The following NEB variants were observed in gnomAD, a reference collection of about 807,000 sequenced individuals.
The protein encoded by NEB is nemaline myopathy type 2.
A neutral mutation model predicts 952.2 loss-of-function variants in NEB; 512 were observed. The ratio of observed to expected loss-of-function variants is 0.54; its 90% confidence interval spans 0.50 to 0.58. The LOEUF is 0.58. NEB is among the 20% of genes least tolerant of loss of function. The pLI is 0.00. For synonymous variants in NEB, 2,900 were observed against 3,149.8 expected, an observed-to-expected ratio of 0.92 and a Z score of 2.66; for missense variants, 8,428 against 9,231.1, an observed-to-expected ratio of 0.91 and a Z score of 3.56.
At chr2:151,728,053 C>T (rs1385916101) in intron 4 of NEB, 147 bp from the exon 5 acceptor site, 4 of 643,764 alleles carry the variant, frequency 6.2e-6, no homozygotes, top group Non-Finnish European at 1.1e-5. Flanking sequence ...CAGGAAATGG[C>T]ACACTGTAGC....
At position 151,570,534 on chromosome 2, in the gene NEB, A is replaced by T. The variant is rs1443258576; in HGVS notation, c.17081T>A (p.Ile5694Asn). ...GCDVRLDAIP[I>N]QAAKASREIA... Reference sequence around the variant, plus strand: ...CTCCCTGGAGGCCTTGGCAGCCTGGATGGGGATGGCATCCAGCCGGACATC... The same window carrying T: ...CTCCCTGGAGGCCTTGGCAGCCTGGTTGGGGATGGCATCCAGCCGGACATC... Residue 5694 changes from isoleucine to asparagine, a missense_variant, in exon 108 of 182, where the codon ATC becomes AAC. By Grantham distance (149) the Ile-to-Asn change is moderately radical. Coordinates refer to ENST00000397345, the MANE Select transcript of NEB (RefSeq NM_001164508.2). 1.2e-6 allele frequency: 2 copies of T among 1,611,688 alleles called. No homozygotes were observed. The highest frequency in any genetic ancestry group is 1.7e-6 in the Non-Finnish European group (2 of 1,179,056).
intron 181 of NEB, among the ~76,000 whole-genome samples, chr2:151,487,653 A>G (rs551181743): frequency 6.6e-6 from 1 of 152,308 alleles, no homozygotes; most frequent in South Asian, 2.1e-4. Context: ...TTACACTATA[A>G]TGAGCATCCT....
chr2:151,488,798 T>C (rs1056668691), intron 181 of NEB, among the ~76,000 whole-genome samples: 2 of 152,248 alleles, frequency 1.3e-5, no homozygotes, highest in Admixed American at 6.5e-5. Flanking sequence ...CCTCAGATCA[T>C]ATAATTAAAT....
At chr2:151,610,290 T>C (rs1370411356) in intron 80 of NEB, among the ~76,000 whole-genome samples, 170 bp from the exon 81 acceptor site, 1 of 152,240 alleles carries the variant, frequency 6.6e-6, no homozygotes, top group Non-Finnish European at 1.5e-5. Context: ...ATAATTGTAA[T>C]GTAATCATAT....
chr2:151,705,960 T>C (rs575892313), intron 13 of NEB, among the ~76,000 whole-genome samples: 2 of 152,308 alleles, frequency 1.3e-5, no homozygotes, highest in African/African-American at 2.4e-5. Context: ...AGACTACATA[T>C]TGATCATAGT....
intron 76 of NEB, 74 bp from the exon 77 acceptor site, chr2:151,614,661 T>C (rs2098131894): frequency 6.9e-7 from 1 of 1,453,398 alleles, no homozygotes; most frequent in Non-Finnish European, 9.4e-7. Flanking sequence ...CACATTCACA[T>C]TGTTTCTTTT....
Position 151,682,778 on chromosome 2 carries a change from C to T in NEB, c.2836-9G>A, listed in dbSNP as rs2099429989. 6.2e-7 allele frequency: 1 copy of T among 1,603,934 alleles called. No individual in the cohort carries two copies. Among genetic ancestry groups the T allele is most frequent in the African/African-American group, 1.3e-5 (1 of 74,822 alleles). ...TCAGCTTTGTATTCAACCTAAAACACCAAGAGAAAGGTTACATTTCTTTGC... is the reference window on the plus strand; with the variant it reads ...TCAGCTTTGTATTCAACCTAAAACATCAAGAGAAAGGTTACATTTCTTTGC... On this transcript the variant is annotated splice_polypyrimidine_tract_variant and intron_variant, in intron 28 of 181. Transcript: ENST00000397345.
intron 153 of NEB, 58 bp from the exon 154 acceptor site, chr2:151,519,826 G>A (rs2080693723): frequency 8.7e-7 from 1 of 1,149,788 alleles, no homozygotes; most frequent in East Asian, 2.3e-5. Context: ...TTGGGAATTG[G>A]GGAATAGTAG....
chr2:151,527,071 G>A (rs1271126890), intron 147 of NEB, 49 bp from the exon 148 acceptor site: 1 of 1,264,552 alleles, frequency 7.9e-7, no homozygotes, highest in Non-Finnish European at 1.1e-6. Flanking sequence ...CAGCACAGGA[G>A]GAAGCTGGGC....
chr2:151,676,181 T>A (rs988302945), intron 34 of NEB, among the ~76,000 whole-genome samples: 2 of 152,228 alleles, frequency 1.3e-5, no homozygotes, highest in Non-Finnish European at 2.9e-5. Context: ...ACATGGCTAA[T>A]AGCTAAATTA....
chr2:151,714,648 A>C (rs1323257171), intron 10 of NEB, among the ~76,000 whole-genome samples: 4 of 152,208 alleles, frequency 2.6e-5, no homozygotes, highest in Non-Finnish European at 5.9e-5. Context: ...TGGCCCCAAC[A>C]GATGGATCTG....
chr2:151,489,919 C>T (rs1489623283), intron 181 of NEB, 52 bp downstream of exon 181: 48 of 1,370,204 alleles, frequency 3.5e-5, no homozygotes, highest in Non-Finnish European at 4.6e-5. Flanking sequence ...ATCATGTTTG[C>T]ACATATCAAA....
chr2:151,501,514 C>A, intron 167 of NEB, 31 bp from the exon 168 acceptor site: 1 of 1,269,164 alleles, frequency 7.9e-7, no homozygotes, highest in South Asian at 2.0e-5. Context: ...AACAAATCAA[C>A]CTGGACCCAT....
intron 167 of NEB, among the ~76,000 whole-genome samples, chr2:151,501,787 A>G (rs551253459): frequency 3.3e-5 from 5 of 152,222 alleles, no homozygotes; most frequent in East Asian, 3.9e-4. Context: ...ATTGAAATTA[A>G]TATCCATGAG....
At position 151,684,830 on chromosome 2, in the gene NEB, G is replaced by A. The variant is rs749076925; in HGVS notation, c.2783C>T (p.Pro928Leu). 1 of 1,613,098 alleles carries A rather than the reference G, an allele frequency of 6.2e-7. No homozygotes were observed. Among genetic ancestry groups the A allele is most frequent in the Non-Finnish European group, 8.5e-7 (1 of 1,179,418 alleles). The change falls in exon 28 of 182, where the codon CCT becomes CTT. Residue 928 changes from proline (P) to leucine (L), a missense_variant. Physicochemically the swap from Pro to Leu is moderately conservative, Grantham distance 98. Around this residue, in one of 11 missense-constraint regions of NEB, gnomAD observed 2,851 missense variants for 2,791.5 expected, o/e 1.02. Coordinates refer to ENST00000397345, the MANE Select transcript of NEB (RefSeq NM_001164508.2). Reference protein sequence around the residue: ...KHILHSYSYPPDSINVDLAKK... With the variant: ...KHILHSYSYPLDSINVDLAKK... ...GGCAAGGTCCACATTGATGCTATCA[G>A]GGGGGTAGCTGTAACTGTGTAAGAT...
At chr2:151,499,657 A>G (rs1020459799) in intron 168 of NEB, 3 of 304,814 alleles carry the variant, frequency 9.8e-6, no homozygotes, top group Non-Finnish European at 1.8e-5. Context: ...AAAAAAATAC[A>G]AATAATTTCC....
chr2:151,696,409 T>C (rs1192944332), intron 17 of NEB, among the ~76,000 whole-genome samples: 3 of 152,252 alleles, frequency 2.0e-5, no homozygotes, highest in Non-Finnish European at 4.4e-5. Flanking sequence ...CTCATGTTCT[T>C]TCCATTGCTT....
chr2:151,726,075 C>A (rs981276775), intron 5 of NEB, among the ~76,000 whole-genome samples: 4 of 152,120 alleles, frequency 2.6e-5, no homozygotes, highest in African/African-American at 7.2e-5. Flanking sequence ...ACAATGAATT[C>A]TTGCTTTAAT....
In NEB at chr2:151,576,159, T is replaced by G; in HGVS notation, c.16900A>C (p.Ile5634Leu). ...GAGAAAAACTAACTCACAATACTAATATTTTCAGCATTTGATTTAGCAAGG... is the reference window on the plus strand; with the variant it reads ...GAGAAAAACTAACTCACAATACTAAGATTTTCAGCATTTGATTTAGCAAGG... The part of the protein sequence containing the change: ...VVLAKSNAEN[I>L]SIPKYREVWD... The change falls in exon 106 of 182, where the codon ATT (isoleucine) becomes CTT (leucine). Residue 5634 changes from isoleucine (I) to leucine (L), a missense_variant. Physicochemically the swap from Ile to Leu is conservative, Grantham distance 5. This residue lies in a region of NEB where 3,374 missense variants were observed against 3,651.5 expected (regional missense o/e 0.92). Transcript: ENST00000397345. 1 of 1,596,558 alleles carries G rather than the reference T, an allele frequency of 6.3e-7. No individual in the cohort carries two copies. Among genetic ancestry groups the G allele is most frequent in the Non-Finnish European group, 8.6e-7 (1 of 1,168,700 alleles).
Sources: gnomAD v4.1 joint callset for allele counts (sites outside exome capture counted in the v4.1 genomes callset) on GRCh38, gnomAD v4.1.1 for gene constraint, gnomAD v4.1.1 regional missense constraint, MANE v1.5 for transcripts, NCBI Gene and HGNC (gene_info 2026-07-23, HGNC 2026-07-21) for gene names.